RHOBTB2: variants seen among roughly 807,000 people sequenced by gnomAD.
RHOBTB2 encodes the protein rho-related BTB domain-containing protein 2.
RHOBTB2 carries 39 observed loss-of-function variants against 66.5 expected under a neutral mutation model. The observed-to-expected ratio is 0.59, with a 90% CI of 0.45 to 0.77. The LOEUF is 0.77. Ranked by LOEUF, RHOBTB2 falls within the 30% of genes least tolerant of loss-of-function variation. The probability of loss-of-function intolerance (pLI) is 0.00; values close to 1 mark genes in which losing one functional copy is unlikely to be tolerated. For missense variants in RHOBTB2, 755 were observed against 999.1 expected (o/e 0.76, Z 3.29); for synonymous variants, 390 against 395.0 (o/e 0.99, Z 0.15).
At chr8:22,985,284 G>A (rs1347248474), upstream of RHOBTB2, among the ~76,000 whole-genome samples, 1 of 152,248 alleles carries the variant, frequency 6.6e-6, no homozygotes, top group Non-Finnish European at 1.5e-5. Flanking sequence ...AGAAGCAGAT[G>A]TTCAGGGTGA....
chr8:22,961,606 A>G, the RHOBTB2 span, among the ~76,000 whole-genome samples: 1 of 152,206 alleles, frequency 6.6e-6, no homozygotes, highest in Admixed American at 6.5e-5. Flanking sequence ...GATGCCAGAC[A>G]TCACTGAAAC....
chr8:23,010,835 C>T, intron 7 of RHOBTB2, 147 bp downstream of exon 7: 1 of 927,132 alleles, frequency 1.1e-6, no homozygotes, highest in East Asian at 2.6e-5. Context: ...TTGACGGGCA[C>T]AGAGTTCTGG....
At chr8:22,995,708 C>T, upstream of RHOBTB2, 1 of 737,224 alleles carries the variant, frequency 1.4e-6, no homozygotes, top group East Asian at 2.7e-5. Context: ...TCTTGAAATG[C>T]CTCTGCTTTT....
chr8:22,982,405 T>C, the RHOBTB2 span, among the ~76,000 whole-genome samples: 1 of 152,018 alleles, frequency 6.6e-6, no homozygotes, highest in Non-Finnish European at 1.5e-5. Context: ...GTGGATCACT[T>C]GAGGTCAGGA....
chr8:22,969,010 G>C, the RHOBTB2 span, among the ~76,000 whole-genome samples: 57 of 152,124 alleles, frequency 3.7e-4, 1 homozygote, highest in Admixed American at 1.5e-3. Flanking sequence ...GTATTCATTT[G>C]TTTTAACACT....
chr8:22,983,164 T>C (rs1810237636), upstream of RHOBTB2, among the ~76,000 whole-genome samples: 1 of 152,012 alleles, frequency 6.6e-6, no homozygotes, highest in African/African-American at 2.4e-5. Context: ...ACAGGCACTG[T>C]CTTGAGGATG....
chr8:22,971,127 C>T, the RHOBTB2 span, among the ~76,000 whole-genome samples: 3 of 152,056 alleles, frequency 2.0e-5, no homozygotes, highest in East Asian at 5.8e-4. Context: ...TGTGCTTCAG[C>T]CCTCTCCTTC....
intron 7 of RHOBTB2, among the ~76,000 whole-genome samples, chr8:23,013,565 G>A (rs1585196126): frequency 6.6e-6 from 1 of 151,702 alleles, no homozygotes; most frequent in South Asian, 2.1e-4. Flanking sequence ...ATGTGATCTC[G>A]GCTCACTGAA....
At chr8:22,979,692 T>G in the RHOBTB2 span, among the ~76,000 whole-genome samples, 1 of 151,164 alleles carries the variant, frequency 6.6e-6, no homozygotes, top group African/African-American at 2.4e-5. Flanking sequence ...TTATGGGAAT[T>G]CTTTTTTTTT....
chr8:23,004,153 C>T lies in RHOBTB2; in HGVS notation c.-10-272C>T, dbSNP rs1810872598. 2.0e-6 allele frequency: 1 copy of T among 489,010 alleles called. No homozygotes were observed. The highest frequency in any genetic ancestry group is 2.0e-5 in the African/African-American group (1 of 51,264). 30.3% of individuals were successfully genotyped at this position (489,010 alleles called of 1,614,324 possible). ...CCACTGGTGATCTCGCGTAGGTCTC[C>T]TTCATCCAGACGCACAGCTGGAGGA... On this transcript the variant is annotated intron_variant, in intron 1 of 9. Coordinates refer to ENST00000251822, the MANE Select transcript of RHOBTB2 (RefSeq NM_015178.3). The surrounding 1 kb of genome is among the most constrained non-coding windows in gnomAD (Gnocchi z 6.4).
the RHOBTB2 span, among the ~76,000 whole-genome samples, chr8:22,982,237 G>T: frequency 6.6e-6 from 1 of 152,162 alleles, no homozygotes; most frequent in Non-Finnish European, 1.5e-5. Context: ...TTTTAAACCC[G>T]TTCTCCCTGT....
At chr8:23,002,714 G>A (rs192174414) in intron 1 of RHOBTB2, among the ~76,000 whole-genome samples, 5 of 152,120 alleles carry the variant, frequency 3.3e-5, no homozygotes, top group Middle Eastern at 3.4e-3. Flanking sequence ...AACAAAAAAC[G>A]GTTGTCTGCT....
At chr8:22,972,594 C>T in the RHOBTB2 span, among the ~76,000 whole-genome samples, 5 of 152,326 alleles carry the variant, frequency 3.3e-5, 2 homozygotes, top group African/African-American at 1.2e-4. Context: ...GCTGCTTCTG[C>T]ACTTCCCTGG....
upstream of RHOBTB2, among the ~76,000 whole-genome samples, chr8:22,998,320 T>C (rs1436873426): frequency 6.6e-6 from 1 of 152,162 alleles, no homozygotes; most frequent in African/African-American, 2.4e-5. Flanking sequence ...GAGCACAAGA[T>C]GGAGGAGTGG....
At chr8:22,985,038 C>A (rs1465538827), upstream of RHOBTB2, 2 of 152,032 alleles carry the variant, frequency 1.3e-5, no homozygotes, top group African/African-American at 4.8e-5. Context: ...ACCCCTTAGT[C>A]CTTTGATCTT....
In RHOBTB2 at chr8:23,006,005, C is replaced by T. The variant is rs1810937551; in HGVS notation, c.342C>T (p.Ser114=). 1 of 1,613,972 alleles carries T rather than the reference C, an allele frequency of 6.2e-7. No individual in the cohort carries two copies. The highest frequency in any genetic ancestry group is 1.1e-5 in the South Asian group (1 of 91,076). Reference sequence around the variant, plus strand: ...GCTTCTCCATTGCCAACCCCAATTCCCTCCACCATGTCAAGACCATGTGGT... The same window carrying T: ...GCTTCTCCATTGCCAACCCCAATTCTCTCCACCATGTCAAGACCATGTGGT... ...VLCFSIANPN[S]LHHVKTMWYP... The change falls in exon 4 of 10, where the codon TCC becomes TCT. Residue 114 remains serine, a synonymous_variant. Coordinates refer to ENST00000251822, the MANE Select transcript of RHOBTB2 (RefSeq NM_015178.3). The surrounding 1 kb of genome is among the most constrained non-coding windows in gnomAD (Gnocchi z 6.1).
rs1217002330 is a variant in RHOBTB2, at chr8:23,005,358, C to T, written c.193-14C>T. 8 of 1,603,328 alleles carry T rather than the reference C, an allele frequency of 5.0e-6. No individual in the cohort carries two copies. The highest frequency in any genetic ancestry group is 3.3e-4 in the Middle Eastern group (2 of 6,040). On this transcript the variant is annotated splice_polypyrimidine_tract_variant and intron_variant, in intron 2 of 9. Coordinates refer to ENST00000251822, the MANE Select transcript of RHOBTB2 (RefSeq NM_015178.3). ...CTGCTGCCTTCGAGTCCCACTCTTC[C>T]TCCCCGTCCCCAGGTGCTGGAACGC...
At chr8:23,000,650 G>A (rs1184874941) in intron 1 of RHOBTB2, among the ~76,000 whole-genome samples, 2 of 152,068 alleles carry the variant, frequency 1.3e-5, no homozygotes, top group East Asian at 3.9e-4. Flanking sequence ...GACCATTCAG[G>A]GTCCCTTTGG....
the RHOBTB2 span, among the ~76,000 whole-genome samples, chr8:22,968,694 G>A: frequency 6.6e-6 from 1 of 151,986 alleles, no homozygotes; most frequent in Non-Finnish European, 1.5e-5. Flanking sequence ...AAAATTGAAA[G>A]TCTAGGAATA....
Sources: allele counts gnomAD v4.1 joint callset (sites outside exome capture counted in the v4.1 genomes callset), GRCh38; gene constraint gnomAD v4.1.1; non-coding constraint Gnocchi (gnomAD v3.1); transcripts MANE v1.5; gene names NCBI Gene and HGNC (gene_info 2026-07-23, HGNC 2026-07-21).